Variants in GRIK2 observed in about 807,000 individuals in gnomAD.
The protein encoded by GRIK2 is glutamate receptor ionotropic, kainate 2.
GRIK2 carries 32 observed loss-of-function variants against 100.3 expected under a neutral mutation model. That is an observed-to-expected ratio of 0.32 (90% confidence interval 0.24 to 0.43). The LOEUF is 0.43. Among genes scored for constraint, GRIK2 ranks in the 20% least tolerant of loss-of-function variants. GRIK2 has a pLI of 1.00. For synonymous variants in GRIK2, 417 were observed against 389.4 expected, an observed-to-expected ratio of 1.07 and a Z score of -0.83; for missense variants, 843 against 1,114.9, an observed-to-expected ratio of 0.76 and a Z score of 3.47.
At chr6:102,027,923 G>A (rs1479919021) in intron 14 of GRIK2, among the ~76,000 whole-genome samples, 1 of 151,058 alleles carries the variant, frequency 6.6e-6, no homozygotes, top group South Asian at 2.1e-4. Context: ...TGGTTCAAGA[G>A]TAAACCTTAC....
chr6:101,538,821 C>A (rs1235199645), intron 2 of GRIK2, among the ~76,000 whole-genome samples: 2 of 151,568 alleles, frequency 1.3e-5, no homozygotes, highest in African/African-American at 4.8e-5. Context: ...TGAGATTTTT[C>A]TGATAATTAA....
intron 12 of GRIK2, among the ~76,000 whole-genome samples, chr6:101,893,783 G>T (rs1314426759): frequency 6.6e-6 from 1 of 151,504 alleles, no homozygotes; most frequent in East Asian, 1.9e-4. Context: ...TAAGTACTAA[G>T]AGTTGTGCCA....
At chr6:101,585,287 GA>G (rs934098628) in intron 2 of GRIK2, among the ~76,000 whole-genome samples, 1 of 152,026 alleles carries the variant, frequency 6.6e-6, no homozygotes, top group African/African-American at 2.4e-5. Flanking sequence ...TAAAATGTCT[GA>G]AATTGTATAT....
At chr6:101,590,944 G>T (rs1326525832) in intron 2 of GRIK2, among the ~76,000 whole-genome samples, 1 of 152,024 alleles carries the variant, frequency 6.6e-6, no homozygotes, top group Non-Finnish European at 1.5e-5. Flanking sequence ...CATGGACCAT[G>T]TAAGAAGTTG....
At chr6:101,923,502 A>T (rs1789686278) in intron 12 of GRIK2, among the ~76,000 whole-genome samples, 1 of 152,206 alleles carries the variant, frequency 6.6e-6, no homozygotes, top group Admixed American at 6.5e-5. Context: ...AAAGTCATCT[A>T]CAACTGGCCT....
chr6:102,002,867 G>T (rs1795024910), intron 14 of GRIK2, among the ~76,000 whole-genome samples: 1 of 150,012 alleles, frequency 6.7e-6, no homozygotes, highest in African/African-American at 2.4e-5. Flanking sequence ...TATATATATA[G>T]ATTTATACTT....
intron 12 of GRIK2, among the ~76,000 whole-genome samples, chr6:101,922,141 C>CTCCCTCCCT (rs1789592058): frequency 3.5e-5 from 2 of 56,454 alleles, no homozygotes; most frequent in Non-Finnish European, 8.0e-5. Flanking sequence ...CCTTCCTTCC[C>CTCCCTCCCT]TCCCTTCCTC....
At chr6:101,475,656 T>A (rs1051573208) in intron 2 of GRIK2, among the ~76,000 whole-genome samples, 3 of 151,936 alleles carry the variant, frequency 2.0e-5, no homozygotes, top group Non-Finnish European at 2.9e-5. Context: ...AACTCTTTTT[T>A]CATAATCAAA....
intron 2 of GRIK2, among the ~76,000 whole-genome samples, chr6:101,612,797 G>A (rs529010964): frequency 6.6e-5 from 10 of 151,182 alleles, no homozygotes; most frequent in Non-Finnish European, 1.0e-4. Flanking sequence ...CTGGGCAGAT[G>A]AGCCCTGTTT....
At chr6:101,458,203 T>A (rs566286486) in intron 2 of GRIK2, among the ~76,000 whole-genome samples, 7 of 152,056 alleles carry the variant, frequency 4.6e-5, no homozygotes, top group Admixed American at 4.6e-4. Context: ...CTTTTTTTTT[T>A]AAAGGACATT....
chr6:101,858,782 TTATA>T (rs1447482970), intron 10 of GRIK2, among the ~76,000 whole-genome samples: 1 of 151,944 alleles, frequency 6.6e-6, no homozygotes, highest in Non-Finnish European at 1.5e-5. Context: ...CAAAATGTGA[TTATA>T]TATATAAAAA....
chr6:101,685,322 T>C (rs1771597455), intron 6 of GRIK2, among the ~76,000 whole-genome samples: 1 of 152,174 alleles, frequency 6.6e-6, no homozygotes, highest in Admixed American at 6.6e-5. Flanking sequence ...CTGAATTGTA[T>C]TCTTATTATC....
At chr6:101,708,447 G>A (rs1213102325) in intron 7 of GRIK2, among the ~76,000 whole-genome samples, 1 of 151,404 alleles carries the variant, frequency 6.6e-6, no homozygotes. Flanking sequence ...TCTGTTAGTG[G>A]TTTGATATAT....
At position 101,647,939 on chromosome 6, in the gene GRIK2, G is replaced by A. The variant is rs1781606982; in HGVS notation, c.541+21302G>A. 2.0e-5 allele frequency among the ~76,000 whole-genome samples: 3 copies of A among 151,870 alleles called. No homozygotes were observed. In the South Asian group the frequency reaches 6.2e-4, roughly 32 times the overall value. On this transcript the variant is annotated intron_variant, in intron 4 of 16. Transcript: ENST00000369134. ...CTTGGTGCTGTTTAGTTGAAGTCAT[G>A]GGGGGCTATTTTTTGTAAAATGTTT...
chr6:101,773,604 T>C (rs1778550888), intron 7 of GRIK2, among the ~76,000 whole-genome samples: 1 of 151,954 alleles, frequency 6.6e-6, no homozygotes, highest in Non-Finnish European at 1.5e-5. Flanking sequence ...AACCAAAAAC[T>C]CTGTCCCATC....
At chr6:101,607,635 T>G (rs1422005086) in intron 2 of GRIK2, among the ~76,000 whole-genome samples, 1 of 151,918 alleles carries the variant, frequency 6.6e-6, no homozygotes, top group Non-Finnish European at 1.5e-5. Context: ...TTAAGCATTC[T>G]AGAAGCTACA....
At chr6:101,818,281 A>G (rs1164680425) in intron 9 of GRIK2, 89 bp from the exon 10 acceptor site, 4 of 709,120 alleles carry the variant, frequency 5.6e-6, no homozygotes, top group Non-Finnish European at 9.8e-6. Context: ...AAGGTGAATA[A>G]TAAGTGTTAG....
chr6:101,997,060 C>G (rs1485931790), intron 14 of GRIK2, among the ~76,000 whole-genome samples: 1 of 151,942 alleles, frequency 6.6e-6, no homozygotes, highest in Non-Finnish European at 1.5e-5. Context: ...AAACGTGTAA[C>G]TTGTTAAAAG....
intron 14 of GRIK2, among the ~76,000 whole-genome samples, chr6:101,965,518 T>C (rs750644601): frequency 6.6e-6 from 1 of 151,298 alleles, no homozygotes; most frequent in Non-Finnish European, 1.5e-5. Flanking sequence ...CTCTGTAAAA[T>C]GTTTCACATT....
Sources: gnomAD v4.1 joint callset for allele counts (sites outside exome capture counted in the v4.1 genomes callset) on GRCh38, gnomAD v4.1.1 for gene constraint, MANE v1.5 for transcripts, NCBI Gene and HGNC (gene_info 2026-07-23, HGNC 2026-07-21) for gene names.